The following PKP4 variants were observed in gnomAD, a reference collection of about 807,000 sequenced individuals.
PKP4 encodes the protein plakophilin 4.
In PKP4, 90 loss-of-function variants were observed where a neutral mutation model predicts 145.1. That is an observed-to-expected ratio of 0.62 (90% CI 0.52 to 0.74). PKP4 has a LOEUF of 0.74. Ranked by LOEUF, PKP4 falls within the 30% of genes least tolerant of loss-of-function variation. The pLI is 0.00. For missense variants in PKP4, 1,340 were observed against 1,482.7 expected (o/e 0.90, Z 1.58); for synonymous variants, 563 against 577.2 (o/e 0.98, Z 0.35).
rs769108777 is a variant in PKP4, at chr2:158,669,735, G to A, written c.2744G>A (p.Arg915Gln). 1.1e-5 allele frequency: 18 copies of A among 1,594,318 alleles called. No homozygotes were observed. The highest frequency in any genetic ancestry group is 2.2e-5 in the East Asian group (1 of 44,520). Residue 915 changes from arginine (R) to glutamine (Q), a missense_variant, in exon 17 of 22, where the codon CGA becomes CAA. By Grantham distance (43) the Arg-to-Gln change is conservative. Transcript: ENST00000389759. ...NKELIGKYAM[R>Q]DLVNRLPGGN... ...CCGTTGGCAGGCAAATACGCCATGC[G>A]AGACCTGGTCAACCGGCTCCCCGGC...
At position 158,529,025 on chromosome 2, in the gene PKP4, A is replaced by G. The variant is rs556387189; in HGVS notation, c.-5-4155A>G. Among the ~76,000 whole-genome samples the G allele has an allele frequency of 6.6e-5, 10 of 152,340 alleles. 2 individuals carry two copies. Among genetic ancestry groups the G allele is most frequent in the African/African-American group, 2.4e-4 (10 of 41,582 alleles). ...AGAGTTTCCTGTCTCTGCCACACAC[A>G]GTGCAGCATCTCTTCTACACTATCC... is the stretch of plus-strand genomic sequence containing the variant. On this transcript the variant is annotated intron_variant, in intron 1 of 21. Transcript: ENST00000389759.
At chr2:158,518,268 G>A (rs1234661582) in intron 1 of PKP4, among the ~76,000 whole-genome samples, 2 of 152,202 alleles carry the variant, frequency 1.3e-5, no homozygotes, top group East Asian at 3.9e-4. Flanking sequence ...TTAATCCCAA[G>A]TTACGTCACA....
At chr2:158,635,058 GT>G (rs1387296352) in intron 9 of PKP4, among the ~76,000 whole-genome samples, 1 of 152,022 alleles carries the variant, frequency 6.6e-6, no homozygotes, top group African/African-American at 2.4e-5. Context: ...GCGCTTTAGT[GT>G]TATTTTAAGG....
chr2:158,491,967 C>A (rs890068915), intron 1 of PKP4, among the ~76,000 whole-genome samples: 2 of 151,964 alleles, frequency 1.3e-5, no homozygotes, highest in African/African-American at 4.8e-5. Context: ...CATCACCATG[C>A]TGGAGTAATT....
intron 1 of PKP4, among the ~76,000 whole-genome samples, chr2:158,520,967 G>T (rs2042321473): frequency 1.3e-5 from 2 of 152,292 alleles, no homozygotes; most frequent in South Asian, 2.1e-4. Flanking sequence ...ATATTACATT[G>T]TATTTATCCA....
rs188574222 is a variant in PKP4, at chr2:158,495,334, A to G, written c.-5-37846A>G. On this transcript the variant is annotated intron_variant, in intron 1 of 21. Transcript: ENST00000389759. The stretch of plus-strand genomic sequence containing the variant: ...TGGCAAGTTGGACTCACATTGCTAC[A>G]ATTCTTCTGGAGAGTTAAAAAAAAA... 5.1e-5 allele frequency among the ~76,000 whole-genome samples: 7 copies of G among 136,158 alleles called. No homozygotes were observed. In the Admixed American group the frequency reaches 5.6e-4, roughly 11 times the overall value. 89.3% of individuals were successfully genotyped at this position (136,158 alleles called of 152,430 possible). A position where few individuals can be genotyped will look rare whatever the true frequency, so the allele number is the denominator to read the frequency against.
At chr2:158,649,834 C>T (rs2055186539) in intron 11 of PKP4, among the ~76,000 whole-genome samples, 1 of 152,188 alleles carries the variant, frequency 6.6e-6, no homozygotes, top group Non-Finnish European at 1.5e-5. Flanking sequence ...ATGGAGACCC[C>T]AGGCCAGGTC....
intron 4 of PKP4, among the ~76,000 whole-genome samples, chr2:158,619,707 A>G (rs1574817205): frequency 6.6e-6 from 1 of 152,210 alleles, no homozygotes; most frequent in South Asian, 2.1e-4. Flanking sequence ...TTGCTTGTTC[A>G]ACAAATATTT....
At chr2:158,467,760 T>C (rs1690867424) in intron 1 of PKP4, among the ~76,000 whole-genome samples, 1 of 152,034 alleles carries the variant, frequency 6.6e-6, no homozygotes, top group Admixed American at 6.6e-5. Context: ...GGTAGAAGGA[T>C]TGCTTGAGCC....
At chr2:158,526,699 C>G (rs1164994213) in intron 1 of PKP4, among the ~76,000 whole-genome samples, 3 of 88,620 alleles carry the variant, frequency 3.4e-5, no homozygotes, top group African/African-American at 9.4e-5. Context: ...CAAATTGTCC[C>G]TGTTTGCAGA....
At position 158,547,927 on chromosome 2, in the gene PKP4, A is replaced by C. The variant is rs115366654; in HGVS notation, c.132+14611A>C. On this transcript the variant is annotated intron_variant, in intron 2 of 21. Coordinates refer to ENST00000389759, the MANE Select transcript of PKP4 (RefSeq NM_003628.6). ...TCCGTGAAGTCGGCCAACAAGGCTC[A>C]AGACCGGAGTTCAAGTCTGTGCTGA... 4.8e-3 allele frequency among the ~76,000 whole-genome samples: 733 copies of C among 152,362 alleles called. 1 individual carries two copies. The highest frequency in any genetic ancestry group is 0.016 in the African/African-American group (670 of 41,590).
intron 2 of PKP4, among the ~76,000 whole-genome samples, chr2:158,564,698 G>T (rs1167903338): frequency 1.3e-5 from 2 of 152,130 alleles, no homozygotes; most frequent in Non-Finnish European, 2.9e-5. Flanking sequence ...GATGAAAAAT[G>T]ACATCTCATT....
At chr2:158,617,232 T>C (rs1015862076) in intron 4 of PKP4, among the ~76,000 whole-genome samples, 1 of 152,218 alleles carries the variant, frequency 6.6e-6, no homozygotes, top group African/African-American at 2.4e-5. Context: ...TCAATTTCTG[T>C]ATTTTTAGAC....
In PKP4 at chr2:158,624,873, A is replaced by G. The variant is rs370313222; in HGVS notation, c.604-5A>G. The G allele has an allele frequency of 2.6e-5, 41 of 1,560,090 alleles. No individual in the cohort carries two copies. Among genetic ancestry groups the G allele is most frequent in the Non-Finnish European group, 3.5e-5 (40 of 1,151,666 alleles). ...CCATTCTCTTTTTTCCCCCCCTTTC[A>G]TCAGCCATCAGTAGCCAATCGGGCC... On this transcript the variant is annotated splice_polypyrimidine_tract_variant and splice_region_variant and intron_variant, in intron 6 of 21. Transcript: ENST00000389759.
chr2:158,674,368 G>A (rs1034300911), intron 19 of PKP4, among the ~76,000 whole-genome samples: 7 of 152,174 alleles, frequency 4.6e-5, no homozygotes, highest in Non-Finnish European at 8.8e-5. Context: ...TGCCCTGTAT[G>A]CCAGCTGGCC....
At chr2:158,603,228 A>G (rs1331555171) in intron 4 of PKP4, 124 bp downstream of exon 4, 5 of 515,352 alleles carry the variant, frequency 9.7e-6, no homozygotes, top group Admixed American at 7.0e-5. Flanking sequence ...ATATTGCGCT[A>G]CATTGCTTTG....
At chr2:158,515,728 G>T (rs1476534522) in intron 1 of PKP4, among the ~76,000 whole-genome samples, 1 of 152,068 alleles carries the variant, frequency 6.6e-6, no homozygotes, top group African/African-American at 2.4e-5. Context: ...ATGTTCCTCA[G>T]AATGTTAATA....
intron 1 of PKP4, among the ~76,000 whole-genome samples, chr2:158,515,528 G>A (rs991625830): frequency 6.6e-6 from 1 of 152,018 alleles, no homozygotes; most frequent in Non-Finnish European, 1.5e-5. Flanking sequence ...TTTGGTGGCA[G>A]GAATCTTTAT....
chr2:158,509,025 T>G (rs544397899), intron 1 of PKP4, among the ~76,000 whole-genome samples: 55 of 152,310 alleles, frequency 3.6e-4, no homozygotes, highest in Middle Eastern at 3.4e-3. Flanking sequence ...TACCTATCAG[T>G]GAATTTCAAA....
Sources: gnomAD v4.1 joint callset for allele counts (sites outside exome capture counted in the v4.1 genomes callset) on GRCh38, gnomAD v4.1.1 for gene constraint, MANE v1.5 for transcripts, NCBI Gene and HGNC (gene_info 2026-07-23, HGNC 2026-07-21) for gene names.